Variants in FOCAD observed in about 807,000 individuals in gnomAD.
FOCAD encodes KIAA1797.
FOCAD carries 198 observed loss-of-function variants against 225.6 expected under a neutral mutation model. The observed-to-expected ratio is 0.88, with a 90% CI of 0.78 to 0.99. The LOEUF (loss-of-function observed/expected upper bound fraction) is 0.99. FOCAD is among the 50% of genes least tolerant of loss of function. The pLI, the probability that FOCAD is intolerant of heterozygous loss-of-function variation, is 0.00. For missense variants in FOCAD, 2,713 were observed against 2,123.6 expected, an observed-to-expected ratio of 1.28 and a Z score of -5.46; for synonymous variants, 897 against 755.0, an observed-to-expected ratio of 1.19 and a Z score of -3.08.
chr9:20,900,789 A>G (rs767742771), intron 21 of FOCAD, among the ~76,000 whole-genome samples: 29 of 151,934 alleles, frequency 1.9e-4, no homozygotes, highest in Non-Finnish European at 3.7e-4. Flanking sequence ...CTCCCCTTCT[A>G]TTAAATAACA....
chr9:20,843,794 G>A (rs1304814128), intron 15 of FOCAD, among the ~76,000 whole-genome samples: 1 of 152,102 alleles, frequency 6.6e-6, no homozygotes. Context: ...ATATTCTAGT[G>A]TGCTACTAGT....
At chr9:20,869,455 T>G (rs1338515788) in intron 18 of FOCAD, among the ~76,000 whole-genome samples, 1 of 152,196 alleles carries the variant, frequency 6.6e-6, no homozygotes, top group Non-Finnish European at 1.5e-5. Context: ...TCTTGTTGAT[T>G]GCTGAACATC....
chr9:20,946,899 T>TC, intron 30 of FOCAD, 79 bp downstream of exon 30: 2 of 1,523,788 alleles, frequency 1.3e-6, no homozygotes, highest in Non-Finnish European at 1.8e-6. Flanking sequence ...TACTCTGAAT[T>TC]AGAGTATAAT....
intron 2 of FOCAD, among the ~76,000 whole-genome samples, chr9:20,662,786 C>CT (rs986076885): frequency 3.9e-4 from 59 of 152,300 alleles, no homozygotes; most frequent in African/African-American, 1.4e-3. Context: ...GCAACCCAAA[C>CT]TTTGGCTCAG....
At chr9:20,926,149 A>T (rs140104195) in intron 25 of FOCAD, 152 bp from the exon 26 acceptor site, 3 of 582,396 alleles carry the variant, frequency 5.2e-6, no homozygotes, top group Non-Finnish European at 6.1e-6. Flanking sequence ...TGTATACCTC[A>T]TACGTGCATG....
chr9:20,938,039 C>T (rs1005256056), intron 28 of FOCAD, among the ~76,000 whole-genome samples: 1 of 151,968 alleles, frequency 6.6e-6, no homozygotes, highest in Non-Finnish European at 1.5e-5. Context: ...GATACCATCT[C>T]ACACCAGTTA....
chr9:20,909,273 A>G (rs762633001), intron 22 of FOCAD, among the ~76,000 whole-genome samples: 13 of 152,060 alleles, frequency 8.5e-5, no homozygotes, highest in Non-Finnish European at 1.3e-4. Flanking sequence ...CCCCATGTAT[A>G]ATGGGATTAT....
At chr9:20,948,810 G>A (rs373241596) in intron 31 of FOCAD, 41 bp from the exon 32 acceptor site, 1 of 1,601,282 alleles carries the variant, frequency 6.2e-7, no homozygotes, top group Admixed American at 1.7e-5. Context: ...TAAACCCAAG[G>A]ACTGATTCCC....
chr9:20,889,839 T>A (rs920372869), intron 21 of FOCAD, among the ~76,000 whole-genome samples: 2 of 152,168 alleles, frequency 1.3e-5, no homozygotes, highest in Non-Finnish European at 2.9e-5. Flanking sequence ...AGGACTGACA[T>A]CTTGGTAATA....
At position 20,907,175 on chromosome 9, in the gene FOCAD, A is replaced by C. The variant is rs1833050793; in HGVS notation, c.2651A>C (p.His884Pro). Residue 884 changes from histidine to proline, a missense_variant, in exon 22 of 44, where the codon CAC (histidine) becomes CCC (proline). Transcript: ENST00000338382. ...HEVHIQLSEW[H>P]RAIFLPQAWL... ...GTTCATATCCAGCTTTCAGAGTGGC[A>C]CCGTGCAATTTTTCTTCCACAGGCC... The C allele has an allele frequency of 6.2e-7, 1 of 1,613,012 alleles. No individual in the cohort carries two copies. The highest frequency in any genetic ancestry group is 1.3e-5 in the African/African-American group (1 of 74,804).
At chr9:20,971,222 A>C (rs990788581) in intron 35 of FOCAD, among the ~76,000 whole-genome samples, 5 of 152,172 alleles carry the variant, frequency 3.3e-5, no homozygotes, top group Non-Finnish European at 7.4e-5. Flanking sequence ...TTGCATGCCT[A>C]TATCAAAATA....
chr9:20,723,665 G>A (rs894078082), intron 4 of FOCAD, among the ~76,000 whole-genome samples: 15 of 152,244 alleles, frequency 9.9e-5, no homozygotes, highest in African/African-American at 3.6e-4. Flanking sequence ...TTGTATGTAT[G>A]TGTATTTACA....
chr9:20,858,399 A>C (rs932526670), intron 15 of FOCAD, among the ~76,000 whole-genome samples: 5 of 152,032 alleles, frequency 3.3e-5, no homozygotes, highest in African/African-American at 1.2e-4. Flanking sequence ...AATCTTCTCT[A>C]ATGATCCTTT....
intron 15 of FOCAD, among the ~76,000 whole-genome samples, chr9:20,848,517 C>T (rs1400873001): frequency 6.6e-6 from 1 of 151,892 alleles, no homozygotes; most frequent in African/African-American, 2.4e-5. Flanking sequence ...ATTCTAGTTT[C>T]TGTGGCTAGC....
At position 20,988,280 on chromosome 9, in the gene FOCAD, A is replaced by G. The variant is rs1315104622; in HGVS notation, c.4907-52A>G. ...ATGATGGTTGTTACTGATCTGTTTTACATTTCAAAGGAAAACCATGGTCTA... is the reference window on the plus strand; with the variant it reads ...ATGATGGTTGTTACTGATCTGTTTTGCATTTCAAAGGAAAACCATGGTCTA... On this transcript the variant is annotated intron_variant, in intron 40 of 43. Transcript: ENST00000338382. The G allele has an allele frequency of 3.5e-6, 4 of 1,147,898 alleles. No individual in the cohort carries two copies. In the East Asian group the frequency reaches 9.6e-5, roughly 27 times the overall value. 71.1% of individuals were successfully genotyped at this position (1,147,898 alleles called of 1,614,324 possible).
At chr9:20,970,166 G>T (rs1159279949) in intron 35 of FOCAD, among the ~76,000 whole-genome samples, 2 of 152,032 alleles carry the variant, frequency 1.3e-5, no homozygotes, top group African/African-American at 4.8e-5. Context: ...GCTACAGTAC[G>T]TCTTAGTGTG....
chr9:20,971,409 G>A (rs1839750946), intron 35 of FOCAD, among the ~76,000 whole-genome samples: 1 of 151,968 alleles, frequency 6.6e-6, no homozygotes, highest in South Asian at 2.1e-4. Context: ...AGTACACAAT[G>A]TAAAATTTAC....
At chr9:20,669,759 A>G (rs1231846829) in intron 2 of FOCAD, among the ~76,000 whole-genome samples, 1 of 152,144 alleles carries the variant, frequency 6.6e-6, no homozygotes, top group Non-Finnish European at 1.5e-5. Flanking sequence ...TGGGTGACAG[A>G]GCAAGACTTC....
intron 4 of FOCAD, among the ~76,000 whole-genome samples, chr9:20,724,819 A>G (rs915793515): frequency 6.6e-6 from 1 of 152,164 alleles, no homozygotes; most frequent in Non-Finnish European, 1.5e-5. Context: ...TCCTCCTCCA[A>G]AATGAACCTC....
Sources: allele counts gnomAD v4.1 joint callset (sites outside exome capture counted in the v4.1 genomes callset), GRCh38; gene constraint gnomAD v4.1.1; transcripts MANE v1.5; gene names NCBI Gene and HGNC (gene_info 2026-07-23, HGNC 2026-07-21).